DOK6: variants seen among roughly 807,000 people sequenced by gnomAD.
DOK6 encodes downstream of tyrosine kinase 6.
Under a neutral mutation model 44.0 loss-of-function variants are expected in DOK6, and 22 were observed. The observed-to-expected ratio is 0.50, with a 90% CI of 0.36 to 0.71. DOK6 has a LOEUF of 0.71. Ranked by LOEUF, DOK6 falls within the 30% of genes least tolerant of loss-of-function variation. DOK6 has a pLI of 0.00. For synonymous variants in DOK6, 166 were observed against 145.5 expected, an observed-to-expected ratio of 1.14 and a Z score of -1.01; for missense variants, 340 against 416.4, an observed-to-expected ratio of 0.82 and a Z score of 1.60.
At chr18:69,772,692 A>G (rs1350597326) in intron 7 of DOK6, among the ~76,000 whole-genome samples, 1 of 152,050 alleles carries the variant, frequency 6.6e-6, no homozygotes, top group Non-Finnish European at 1.5e-5. Flanking sequence ...CACCATGCAC[A>G]AAAGTCAACT....
chr18:69,642,781 T>G (rs1984975996), intron 3 of DOK6, among the ~76,000 whole-genome samples: 1 of 152,208 alleles, frequency 6.6e-6, no homozygotes, highest in Non-Finnish European at 1.5e-5. Context: ...TGTCCCCTTA[T>G]GGGCAATGAT....
At chr18:69,525,487 G>A (rs1267034969) in intron 1 of DOK6, among the ~76,000 whole-genome samples, 1 of 151,966 alleles carries the variant, frequency 6.6e-6, no homozygotes, top group African/African-American at 2.4e-5. Context: ...ATGATAAGAG[G>A]ACTGAGGAAA....
At chr18:69,533,087 T>C (rs137992990) in intron 1 of DOK6, among the ~76,000 whole-genome samples, 1 of 152,156 alleles carries the variant, frequency 6.6e-6, no homozygotes, top group Admixed American at 6.5e-5. Context: ...AGTATCCTCT[T>C]AAAAAATATC....
chr18:69,621,649 G>C (rs1305999436), intron 3 of DOK6, among the ~76,000 whole-genome samples: 1 of 152,126 alleles, frequency 6.6e-6, no homozygotes, highest in Non-Finnish European at 1.5e-5. Flanking sequence ...AATGGTTGGT[G>C]ATCTTGATGG....
intron 2 of DOK6, among the ~76,000 whole-genome samples, chr18:69,577,678 A>G (rs746372054): frequency 3.3e-5 from 5 of 151,860 alleles, no homozygotes; most frequent in Non-Finnish European, 7.4e-5. Flanking sequence ...TGTGTAGAGC[A>G]TCTCTAGAGA....
intron 1 of DOK6, among the ~76,000 whole-genome samples, chr18:69,498,562 G>T (rs1367532128): frequency 6.6e-5 from 10 of 152,102 alleles, no homozygotes; most frequent in Non-Finnish European, 1.5e-4. Context: ...GATGACAGTG[G>T]CTTATTGAAA....
chr18:69,663,718 A>G (rs1050452011), intron 3 of DOK6, among the ~76,000 whole-genome samples: 2 of 152,144 alleles, frequency 1.3e-5, no homozygotes, highest in Non-Finnish European at 2.9e-5. Flanking sequence ...AAATTGAACA[A>G]TATTTTGGAA....
intron 1 of DOK6, among the ~76,000 whole-genome samples, chr18:69,529,652 CAA>C (rs1981930168): frequency 6.6e-6 from 1 of 152,120 alleles, no homozygotes; most frequent in Non-Finnish European, 1.5e-5. Flanking sequence ...AATCTTTGCT[CAA>C]GTTATCATTA....
chr18:69,409,732 ATAACTT>A (rs999932273), intron 1 of DOK6, among the ~76,000 whole-genome samples: 71 of 152,378 alleles, frequency 4.7e-4, no homozygotes, highest in Middle Eastern at 3.4e-3. Context: ...TATAAAAACT[ATAACTT>A]TAACACCATG....
intron 3 of DOK6, among the ~76,000 whole-genome samples, chr18:69,666,743 A>G (rs4891766): frequency 0.02 from 3,113 of 152,278 alleles, 153 homozygotes; most frequent in East Asian, 0.12. Flanking sequence ...AAATGACCCC[A>G]AGGTTTGTTA....
chr18:69,693,312 G>GAAAAAAAAAAAAAAAAAAAAAAAAAAA (rs10554189), intron 4 of DOK6, among the ~76,000 whole-genome samples: 1 of 126,152 alleles, frequency 7.9e-6, no homozygotes, highest in Non-Finnish European at 1.7e-5. Context: ...CTTCTTTGAA[G>GAAAAAAAAAAAAAAAAAAAAAAAAAAA]AAAAAAAAAA....
intron 1 of DOK6, among the ~76,000 whole-genome samples, chr18:69,425,240 G>GT (rs1175956268): frequency 2.0e-5 from 3 of 151,972 alleles, no homozygotes; most frequent in African/African-American, 7.2e-5. Context: ...CCCACTTCCA[G>GT]TTTTTTTATT....
At chr18:69,559,142 C>T (rs764267862) in intron 1 of DOK6, among the ~76,000 whole-genome samples, 9 of 152,024 alleles carry the variant, frequency 5.9e-5, no homozygotes, top group African/African-American at 4.8e-5. Flanking sequence ...TCCTTATTAT[C>T]TATTATTAGG....
At chr18:69,505,491 CT>C (rs772908185) in intron 1 of DOK6, among the ~76,000 whole-genome samples, 4,681 of 88,438 alleles carry the variant, frequency 0.053, 43 homozygotes, top group Admixed American at 0.082. Context: ...TACTCCCATT[CT>C]TTTTTTTTTT....
chr18:69,523,623 A>G (rs1041415734), intron 1 of DOK6, among the ~76,000 whole-genome samples: 50 of 152,058 alleles, frequency 3.3e-4, no homozygotes, highest in African/African-American at 1.1e-3. Context: ...TAGTTTTATC[A>G]AATACTGTAG....
At chr18:69,800,382 T>A (rs1980869025) in intron 7 of DOK6, among the ~76,000 whole-genome samples, 1 of 152,150 alleles carries the variant, frequency 6.6e-6, no homozygotes, top group Non-Finnish European at 1.5e-5. Context: ...GTTCTTCTTT[T>A]CATAAATCAC....
At chr18:69,584,430 T>G (rs1453922197) in intron 2 of DOK6, among the ~76,000 whole-genome samples, 1 of 151,966 alleles carries the variant, frequency 6.6e-6, no homozygotes, top group Admixed American at 6.6e-5. Context: ...GTAGCTGAGA[T>G]TACAGCTGTG....
intron 7 of DOK6, among the ~76,000 whole-genome samples, chr18:69,799,263 A>T (rs1013922508): frequency 4.6e-5 from 7 of 152,084 alleles, no homozygotes; most frequent in Non-Finnish European, 1.5e-5. Context: ...TCAAAATTAG[A>T]AATTCCTATT....
At chr18:69,682,073 A>G (rs568866142) in intron 4 of DOK6, among the ~76,000 whole-genome samples, 6 of 152,338 alleles carry the variant, frequency 3.9e-5, no homozygotes, top group African/African-American at 1.4e-4. Flanking sequence ...AACTTGTCTC[A>G]GAACCAAAGC....
Sources: gnomAD v4.1 joint callset for allele counts (sites outside exome capture counted in the v4.1 genomes callset) on GRCh38, gnomAD v4.1.1 for gene constraint, MANE v1.5 for transcripts, NCBI Gene and HGNC (gene_info 2026-07-23, HGNC 2026-07-21) for gene names.